The following DPEP1 variants were observed in gnomAD, a reference collection of about 807,000 sequenced individuals.
DPEP1 encodes dipeptidase 1.
A neutral mutation model predicts 42.3 loss-of-function variants in DPEP1; 50 were observed. The ratio of observed to expected loss-of-function variants is 1.18; its 90% CI spans 0.94 to 1.50. The LOEUF (loss-of-function observed/expected upper bound fraction) is 1.50, where lower values mean the gene tolerates loss of function less well. DPEP1 is among the 40% of genes most tolerant of loss of function. The probability of loss-of-function intolerance (pLI) is 0.00; values close to 1 mark genes in which losing one functional copy is unlikely to be tolerated. For missense variants in DPEP1, 663 were observed against 553.0 expected (o/e 1.20, Z -1.99); for synonymous variants, 297 against 234.0 (o/e 1.27, Z -2.46).
At chr16:89,635,066 C>CTCCTTTCCCTTCCTTA (rs2059653659) in intron 2 of DPEP1, among the ~76,000 whole-genome samples, 2 of 26,546 alleles carry the variant, frequency 7.5e-5, no homozygotes, top group Non-Finnish European at 2.0e-4. Flanking sequence ...TCCCTTCCTT[C>CTCCTTTCCCTTCCTTA]TCCTTTCCCT....
In DPEP1 at chr16:89,631,246, G is replaced by A. The variant is rs981165663; in HGVS notation, c.104+732G>A. ...GTGTGCCCACCCGGCCCCCACCCCC[G>A]ACCTCGCTGGGGCACCTGGGTCACC... On this transcript the variant is annotated intron_variant, in intron 2 of 10. Coordinates refer to ENST00000690203, the MANE Select transcript of DPEP1 (RefSeq NM_001389466.1). Among the ~76,000 whole-genome samples, 3 of 147,606 alleles carry A rather than the reference G, an allele frequency of 2.0e-5. No homozygotes were observed. The South Asian group carries it at 7.1e-4, about 35-fold the overall frequency.
intron 1 of DPEP1, among the ~76,000 whole-genome samples, chr16:89,616,148 G>A (rs930298351): frequency 4.6e-5 from 7 of 151,704 alleles, no homozygotes; most frequent in Non-Finnish European, 7.4e-5. Flanking sequence ...GGCTGGGTCC[G>A]TGGGGCTTCG....
chr16:89,618,931 C>T lies in DPEP1; in HGVS notation c.-107+5212C>T, dbSNP rs1409347773. ...GGTTGCCCTCCCTGCTCCCTCCCTGCAGCTCCCTGCCCCCCTGCTCCCCTC... is the reference window on the plus strand; with the variant it reads ...GGTTGCCCTCCCTGCTCCCTCCCTGTAGCTCCCTGCCCCCCTGCTCCCCTC... On this transcript the variant is annotated intron_variant, in intron 1 of 10. Transcript: ENST00000690203. Among the ~76,000 whole-genome samples the T allele has an allele frequency of 6.7e-5, 9 of 134,662 alleles. No individual in the cohort carries two copies. The South Asian group carries it at 1.8e-3, about 26-fold the overall frequency. The allele number at this position is 134,662 out of a possible 152,430, so 88.3% of individuals were successfully genotyped here. A position where few individuals can be genotyped will look rare whatever the true frequency, so the allele number is the denominator to read the frequency against.
rs1386910368 is a variant in DPEP1, at chr16:89,638,065, C to T, written c.1079C>T (p.Thr360Ile). Residue 360 changes from threonine to isoleucine, a missense_variant, in exon 11 of 11, where the codon ACA becomes ATA. Physicochemically the swap from Thr to Ile is moderately conservative, Grantham distance 89. Coordinates refer to ENST00000690203, the MANE Select transcript of DPEP1 (RefSeq NM_001389466.1). ...FEAVEQASNL[T>I]QAPEEEPIPL... ...GTCTGTCCCCAGGCCAGCAACCTCA[C>T]ACAGGCTCCCGAGGAGGAGCCCATC... The T allele has an allele frequency of 6.2e-7, 1 of 1,612,166 alleles. No individual in the cohort carries two copies. Among genetic ancestry groups the T allele is most frequent in the Non-Finnish European group, 8.5e-7 (1 of 1,179,832 alleles).
Position 89,637,285 on chromosome 16 carries a change from C to G in DPEP1, c.673C>G (p.Gln225Glu), listed in dbSNP as rs747468133. 3.7e-6 allele frequency: 6 copies of G among 1,612,608 alleles called. No homozygotes were observed. ...VSVATMKATL[Q>E]LSRAPVIFSH... ...TGTGGCCACCATGAAGGCCACCCTG[C>G]AGCTGTCCAGAGCCCCGGTCATCTT... is the stretch of plus-strand genomic sequence containing the variant. Residue 225 changes from glutamine (Q) to glutamate (E), a missense_variant, in exon 7 of 11, where the codon CAG becomes GAG. Physicochemically the swap from Gln to Glu is conservative, Grantham distance 29. Coordinates refer to ENST00000690203, the MANE Select transcript of DPEP1 (RefSeq NM_001389466.1).
rs1472020437 is a variant in DPEP1, at chr16:89,618,933, G to GCCCCCTGCCCCCCTGCTCCC, written c.-107+5215_-107+5216insCCCCTGCCCCCCTGCTCCCC. Among the ~76,000 whole-genome samples, 10 of 118,442 alleles carry GCCCCCTGCCCCCCTGCTCCC rather than the reference G, an allele frequency of 8.4e-5. 2 individuals are homozygous for GCCCCCTGCCCCCCTGCTCCC. The East Asian group carries it at 1.1e-3, about 13-fold the overall frequency. The allele number at this position is 118,442 out of a possible 152,430, so 77.7% of individuals were successfully genotyped here. On this transcript the variant is annotated intron_variant, in intron 1 of 10. Transcript: ENST00000690203. Reference sequence around the variant, plus strand: ...TTGCCCTCCCTGCTCCCTCCCTGCAGCTCCCTGCCCCCCTGCTCCCCTCCC... The same window carrying GCCCCCTGCCCCCCTGCTCCC: ...TTGCCCTCCCTGCTCCCTCCCTGCAGCCCCCTGCCCCCCTGCTCCCCTCCCTGCCCCCCTGCTCCCCTCCC...
chr16:89,623,223 G>A (rs1659781717), intron 1 of DPEP1, among the ~76,000 whole-genome samples: 1 of 152,104 alleles, frequency 6.6e-6, no homozygotes, highest in South Asian at 2.1e-4. Flanking sequence ...GGGAGGCTGA[G>A]GTGGGAGGAT....
intron 3 of DPEP1, 61 bp downstream of exon 3, chr16:89,636,101 C>A: frequency 6.4e-7 from 1 of 1,561,112 alleles, no homozygotes; most frequent in Admixed American, 1.9e-5. Flanking sequence ...CTACCTCAGG[C>A]CTGGCTACAG....
chr16:89,626,646 A>G (rs1279810323), intron 1 of DPEP1, among the ~76,000 whole-genome samples: 1 of 151,876 alleles, frequency 6.6e-6, no homozygotes, highest in Admixed American at 6.6e-5. Flanking sequence ...GCGCCACCGC[A>G]CCCAGCCTAA....
At chr16:89,614,357 C>T (rs572375242) in intron 1 of DPEP1, among the ~76,000 whole-genome samples, 2 of 152,322 alleles carry the variant, frequency 1.3e-5, no homozygotes, top group East Asian at 3.9e-4. Flanking sequence ...TTCTCAGAGG[C>T]TGTGTGAGGA....
At chr16:89,622,399 C>T (rs2059455736) in intron 1 of DPEP1, among the ~76,000 whole-genome samples, 1 of 152,140 alleles carries the variant, frequency 6.6e-6, no homozygotes, top group Admixed American at 6.5e-5. Context: ...GCAACTCTGC[C>T]GGCTGCACCC....
intron 2 of DPEP1, among the ~76,000 whole-genome samples, chr16:89,632,600 C>T (rs980943289): frequency 1.7e-4 from 26 of 152,178 alleles, no homozygotes; most frequent in African/African-American, 5.3e-4. Flanking sequence ...TGGAGCAGGA[C>T]GCCGGCTTCC....
chr16:89,638,486 A>C, downstream of DPEP1: 3 of 1,282,278 alleles, frequency 2.3e-6, no homozygotes, highest in Non-Finnish European at 3.0e-6. Context: ...TGTTTTGTGA[A>C]AATGGCTCCT....
intron 6 of DPEP1, 40 bp from the exon 7 acceptor site, chr16:89,637,162 ACC>A: frequency 6.3e-7 from 1 of 1,597,802 alleles, no homozygotes; most frequent in South Asian, 1.1e-5. Context: ...CGCAGCCCCG[ACC>A]CTGGGGGCTG....
downstream of DPEP1, chr16:89,638,539 G>C (rs184236226): frequency 2.5e-4 from 289 of 1,149,020 alleles, no homozygotes; most frequent in Non-Finnish European, 3.0e-4. Flanking sequence ...TCGAGTCTTC[G>C]GTCCAGGCCA....
At chr16:89,639,007 A>C (rs1445830839), downstream of DPEP1, among the ~76,000 whole-genome samples, 1 of 43,220 alleles carries the variant, frequency 2.3e-5, no homozygotes, top group Non-Finnish European at 4.0e-5. Flanking sequence ...ACACACACAC[A>C]CACCGCACCC....
downstream of DPEP1, among the ~76,000 whole-genome samples, chr16:89,638,857 A>G (rs1597778930): frequency 2.1e-5 from 1 of 47,802 alleles, no homozygotes; most frequent in Non-Finnish European, 3.7e-5. Context: ...ACCCCTGCAC[A>G]CACACACACA....
At chr16:89,641,076 CAA>C (rs1009671452), downstream of DPEP1, among the ~76,000 whole-genome samples, 1 of 152,180 alleles carries the variant, frequency 6.6e-6, no homozygotes, top group Non-Finnish European at 1.5e-5. Context: ...CTATGCATTT[CAA>C]AGACTTTAGT....
intron 1 of DPEP1, among the ~76,000 whole-genome samples, chr16:89,627,802 G>C (rs2059535302): frequency 6.6e-6 from 1 of 150,634 alleles, no homozygotes; most frequent in Admixed American, 6.6e-5. Context: ...TGGGATTACG[G>C]GCAAGGGCCA....
Sources: allele counts gnomAD v4.1 joint callset (sites outside exome capture counted in the v4.1 genomes callset), GRCh38; gene constraint gnomAD v4.1.1; transcripts MANE v1.5; gene names NCBI Gene and HGNC (gene_info 2026-07-23, HGNC 2026-07-21).